ANO4: variants seen among roughly 807,000 people sequenced by gnomAD.
ANO4 encodes the protein anoctamin 4, also known as anoctamin-4.
ANO4 carries 69 observed loss-of-function variants against 141.9 expected under a neutral mutation model. The ratio of observed to expected loss-of-function variants is 0.49; its 90% CI spans 0.40 to 0.59. ANO4 has a LOEUF of 0.59. ANO4 is among the 20% of genes least tolerant of loss of function. The pLI is 0.00. For synonymous variants in ANO4, 350 were observed against 394.3 expected (o/e 0.89, Z 1.33); for missense variants, 894 against 1,162.2 (o/e 0.77, Z 3.36).
intron 3 of ANO4, among the ~76,000 whole-genome samples, chr12:100,774,880 C>T (rs2033437977): frequency 6.6e-6 from 1 of 152,258 alleles, no homozygotes; most frequent in Admixed American, 6.5e-5. Context: ...AACTTAACTG[C>T]CTACAGGGGA....
chr12:101,125,745 A>G (rs930309303), intron 26 of ANO4, among the ~76,000 whole-genome samples: 4 of 152,220 alleles, frequency 2.6e-5, no homozygotes, highest in African/African-American at 7.2e-5. Flanking sequence ...GATGAAGCCA[A>G]CTTGATCATG....
At chr12:100,775,517 C>A (rs541207555) in intron 3 of ANO4, among the ~76,000 whole-genome samples, 3 of 152,274 alleles carry the variant, frequency 2.0e-5, no homozygotes, top group African/African-American at 7.2e-5. Context: ...GGGCTGGATT[C>A]CTACATCTAC....
At chr12:100,856,065 G>A (rs1043582777) in intron 1 of ANO4, among the ~76,000 whole-genome samples, 17 of 152,098 alleles carry the variant, frequency 1.1e-4, no homozygotes, top group Non-Finnish European at 2.2e-4. Flanking sequence ...AGAACTTAAC[G>A]GAGAAACAGC....
intron 2 of ANO4, among the ~76,000 whole-genome samples, chr12:100,912,017 T>C (rs2041121827): frequency 6.6e-6 from 1 of 152,166 alleles, no homozygotes; most frequent in Non-Finnish European, 1.5e-5. Context: ...ATTATGCCTA[T>C]TTTACTATGG....
intron 1 of ANO4, among the ~76,000 whole-genome samples, chr12:100,727,090 G>T (rs1349777689): frequency 3.3e-5 from 5 of 151,790 alleles, no homozygotes; most frequent in Non-Finnish European, 2.9e-5. Context: ...ATGGTCTAAA[G>T]TATGGTCAAG....
intron 5 of ANO4, among the ~76,000 whole-genome samples, chr12:100,961,763 C>T (rs185821138): frequency 1.3e-5 from 2 of 152,212 alleles, no homozygotes; most frequent in East Asian, 3.9e-4. Flanking sequence ...ACAGTCAGCA[C>T]ATCTCAATTT....
In ANO4 at chr12:100,987,712, C is replaced by T. The variant is rs776487323; in HGVS notation, c.734+42C>T. 5 of 1,606,898 alleles carry T rather than the reference C, an allele frequency of 3.1e-6. No individual in the cohort carries two copies. In the South Asian group the frequency reaches 4.4e-5, roughly 14 times the overall value. The stretch of plus-strand genomic sequence containing the variant: ...AAAGCCCCATCTCACTAAGGATGTG[C>T]AGCTGTGGTAGAGCCTCACCCTGCA... On this transcript the variant is annotated intron_variant, in intron 8 of 27. Transcript: ENST00000392977.
intron 3 of ANO4, among the ~76,000 whole-genome samples, chr12:100,922,771 G>A (rs1033947153): frequency 3.9e-5 from 6 of 152,126 alleles, no homozygotes; most frequent in Non-Finnish European, 8.8e-5. Context: ...TGAGTATCTG[G>A]AGTCATTGAT....
rs772763447 is a variant in ANO4 at position 100,901,620 on chromosome 12, T to C, written c.-140-26T>C. ...AGCCATTCTGAAGTGACTTCTTCAG[T>C]CTAATGGTGCCATTTCTCATTCCAG... On this transcript the variant is annotated intron_variant, in intron 1 of 27. Transcript: ENST00000392977. The C allele has an allele frequency of 3.4e-4, 248 of 734,852 alleles. 1 individual carries two copies. Among genetic ancestry groups the C allele is most frequent in the Non-Finnish European group, 4.3e-4 (169 of 396,956 alleles). The allele number at this position is 734,852 out of a possible 1,614,324, so 45.5% of individuals were successfully genotyped here.
intron 5 of ANO4, among the ~76,000 whole-genome samples, chr12:100,966,591 C>T (rs561895578): frequency 6.6e-6 from 1 of 152,150 alleles, no homozygotes; most frequent in South Asian, 2.1e-4. Flanking sequence ...GAGCTCCAGA[C>T]TCATTTGTCT....
intron 7 of ANO4, among the ~76,000 whole-genome samples, chr12:100,984,524 A>T (rs1468910220): frequency 6.6e-6 from 1 of 152,184 alleles, no homozygotes; most frequent in East Asian, 1.9e-4. Flanking sequence ...TCTCCAAAGC[A>T]TTTCATACTC....
At chr12:100,779,150 G>A (rs1746893039) in intron 3 of ANO4, among the ~76,000 whole-genome samples, 1 of 152,204 alleles carries the variant, frequency 6.6e-6, no homozygotes, top group South Asian at 2.1e-4. Flanking sequence ...AGAGTGTGAT[G>A]CAGTAGATCT....
chr12:101,047,444 A>C (rs188146182), intron 13 of ANO4, among the ~76,000 whole-genome samples: 1 of 152,174 alleles, frequency 6.6e-6, no homozygotes, highest in African/African-American at 2.4e-5. Flanking sequence ...TCTCTCCTCT[A>C]TTCAAAGAAA....
intron 3 of ANO4, among the ~76,000 whole-genome samples, chr12:100,936,464 C>A (rs1196466107): frequency 3.3e-5 from 5 of 152,158 alleles, no homozygotes; most frequent in Non-Finnish European, 7.3e-5. Flanking sequence ...CAGTTGAGAA[C>A]CACGGACATA....
intron 3 of ANO4, among the ~76,000 whole-genome samples, chr12:100,931,543 C>G (rs1051161237): frequency 6.6e-6 from 1 of 152,166 alleles, no homozygotes. Context: ...CTTAGCATTT[C>G]TGAACCTGGC....
intron 5 of ANO4, among the ~76,000 whole-genome samples, chr12:100,946,797 G>A (rs1454587606): frequency 6.6e-6 from 1 of 152,162 alleles, no homozygotes; most frequent in Non-Finnish European, 1.5e-5. Context: ...GAACACTAGT[G>A]TTACAATTTG....
intron 2 of ANO4, among the ~76,000 whole-genome samples, chr12:100,921,374 T>C (rs2041624221): frequency 6.6e-6 from 1 of 152,146 alleles, no homozygotes; most frequent in African/African-American, 2.4e-5. Context: ...CCTAAGCTTA[T>C]GAGATTTCTA....
intron 5 of ANO4, among the ~76,000 whole-genome samples, chr12:100,949,481 G>A (rs181014670): frequency 6.6e-6 from 1 of 152,196 alleles, no homozygotes; most frequent in African/African-American, 2.4e-5. Flanking sequence ...CATTTATATC[G>A]AGTGCTTATC....
intron 1 of ANO4, among the ~76,000 whole-genome samples, chr12:100,886,834 G>A (rs1470743864): frequency 6.6e-6 from 1 of 152,128 alleles, no homozygotes; most frequent in Non-Finnish European, 1.5e-5. Context: ...AAAACATGCT[G>A]ACCCCTTTCT....
Sources: gnomAD v4.1 joint callset for allele counts (sites outside exome capture counted in the v4.1 genomes callset) on GRCh38, gnomAD v4.1.1 for gene constraint, MANE v1.5 for transcripts, NCBI Gene and HGNC (gene_info 2026-07-23, HGNC 2026-07-21) for gene names.